The following ZNF282 variants were observed in gnomAD, a reference collection of about 807,000 sequenced individuals.
ZNF282 encodes the protein zinc finger protein 282.
ZNF282 carries 30 observed loss-of-function variants against 61.9 expected under a neutral mutation model. That is an observed-to-expected ratio of 0.48 (90% confidence interval 0.36 to 0.66). ZNF282 has a LOEUF of 0.66. ZNF282 is among the 30% of genes least tolerant of loss of function. The pLI is 0.00. For synonymous variants in ZNF282, 396 were observed against 405.0 expected, an observed-to-expected ratio of 0.98 and a Z score of 0.27; for missense variants, 788 against 941.4, an observed-to-expected ratio of 0.84 and a Z score of 2.13.
rs1240939607 is a variant in ZNF282 at position 149,207,462 on chromosome 7, C to T, written c.824C>T (p.Pro275Leu). Residue 275 changes from proline (P) to leucine (L), a missense_variant, in exon 4 of 8, where the codon CCC becomes CTC. Physicochemically the swap from Pro to Leu is moderately conservative, Grantham distance 98. Transcript: ENST00000610704. The stretch of plus-strand genomic sequence containing the variant: ...GAAGAGAGAGAAATCCCAATGGATC[C>T]CGAAGCAGGTGATGGCAGCAGAAGA... ...HPEEREIPMD[P>L]EAGAEPLVPA... 6.4e-7 allele frequency: 1 copy of T among 1,560,704 alleles called. No individual in the cohort carries two copies. The highest frequency in any genetic ancestry group is 1.9e-5 in the Admixed American group (1 of 51,826).
At chr7:149,204,455 G>T (rs949960851) in intron 2 of ZNF282, among the ~76,000 whole-genome samples, 1 of 152,148 alleles carries the variant, frequency 6.6e-6, no homozygotes, top group African/African-American at 2.4e-5. Flanking sequence ...GCAGCGTGTT[G>T]AGGGAAGGTT....
rs531293375 is a variant in ZNF282 at position 149,213,824 on chromosome 7, G to A, written c.1180+10G>A. The A allele has an allele frequency of 8.7e-6, 14 of 1,600,348 alleles. No homozygotes were observed. Among genetic ancestry groups the A allele is most frequent in the Admixed American group, 8.3e-5 (5 of 59,882 alleles). The stretch of plus-strand genomic sequence containing the variant: ...TTAGACTCTGGCCCTAGTGAGTAAC[G>A]TCCCCACCTAGACCCTGGGGTTTCT... On this transcript the variant is annotated intron_variant, in intron 7 of 7. Transcript: ENST00000610704.
At chr7:149,203,156 C>T (rs1795941935) in intron 2 of ZNF282, among the ~76,000 whole-genome samples, 4 of 152,194 alleles carry the variant, frequency 2.6e-5, no homozygotes, top group Admixed American at 2.6e-4. Context: ...TCAGCATTTA[C>T]GTACACACTG....
chr7:149,202,090 T>C (rs1441935064), intron 2 of ZNF282, among the ~76,000 whole-genome samples: 1 of 151,934 alleles, frequency 6.6e-6, no homozygotes, highest in East Asian at 1.9e-4. Flanking sequence ...TCCCTGCCCT[T>C]ACTCGAATTT....
At chr7:149,215,798 T>G (rs1796153674) in intron 7 of ZNF282, among the ~76,000 whole-genome samples, 1 of 152,242 alleles carries the variant, frequency 6.6e-6, no homozygotes, top group Non-Finnish European at 1.5e-5. Flanking sequence ...ACTCCATCTC[T>G]TCCTCCACAG....
At chr7:149,217,630 G>A (rs1563180153) in intron 7 of ZNF282, among the ~76,000 whole-genome samples, 1 of 101,594 alleles carries the variant, frequency 9.8e-6, no homozygotes, top group Non-Finnish European at 2.4e-5. Flanking sequence ...AAGCAGGCCA[G>A]CAAGCAGGCA....
At position 149,198,376 on chromosome 7, in the gene ZNF282, A is replaced by C; in HGVS notation, c.209A>C (p.Gln70Pro). ...DMDARRPMPF[Q>P]FPPFPDRAPV... The stretch of plus-strand genomic sequence containing the variant: ...GACGCCCGGCGGCCAATGCCTTTTC[A>C]GTTCCCACCCTTTCCAGATAGGGCA... Residue 70 changes from glutamine to proline, a missense_variant, in exon 2 of 8, where the codon CAG (glutamine) becomes CCG (proline). By Grantham distance (76) the Gln-to-Pro change is moderately conservative. Coordinates refer to ENST00000610704, the MANE Select transcript of ZNF282 (RefSeq NM_003575.4). This position sits in a 1 kb window ranked among gnomAD's most constrained non-coding sequence, Gnocchi z 4.3. The C allele has an allele frequency of 6.2e-7, 1 of 1,613,758 alleles. No individual in the cohort carries two copies. Among genetic ancestry groups the C allele is most frequent in the East Asian group, 2.2e-5 (1 of 44,884 alleles).
intron 2 of ZNF282, 47 bp from the exon 3 acceptor site, chr7:149,206,649 G>A (rs761893763): frequency 3.7e-6 from 6 of 1,610,916 alleles, no homozygotes; most frequent in South Asian, 3.3e-5. Context: ...GGGAGGTGGT[G>A]GGGAGGAACA....
chr7:149,222,648 TTTTA>T (rs1165477763), intron 7 of ZNF282, among the ~76,000 whole-genome samples: 1 of 152,016 alleles, frequency 6.6e-6, no homozygotes, highest in Non-Finnish European at 1.5e-5. Context: ...TATTTTTTAT[TTTTA>T]TTTATTTATT....
rs775493804 is a variant in ZNF282, at chr7:149,213,827, C to T, written c.1180+13C>T. The T allele has an allele frequency of 8.2e-6, 13 of 1,587,644 alleles. No homozygotes were observed. In the Admixed American group the frequency reaches 1.3e-4, roughly 16 times the overall value. On this transcript the variant is annotated intron_variant, in intron 7 of 7. Transcript: ENST00000610704. Reference sequence around the variant, plus strand: ...GACTCTGGCCCTAGTGAGTAACGTCCCCACCTAGACCCTGGGGTTTCTTCT... The same window carrying T: ...GACTCTGGCCCTAGTGAGTAACGTCTCCACCTAGACCCTGGGGTTTCTTCT...
intron 7 of ZNF282, among the ~76,000 whole-genome samples, chr7:149,223,273 C>T (rs1796287714): frequency 6.8e-6 from 1 of 147,468 alleles, no homozygotes. Flanking sequence ...TGCGACCGGC[C>T]GAAAAGATTT....
chr7:149,216,344 C>G (rs1381692081), intron 7 of ZNF282, among the ~76,000 whole-genome samples: 1 of 152,212 alleles, frequency 6.6e-6, no homozygotes, highest in East Asian at 1.9e-4. Flanking sequence ...AAGCAATCCT[C>G]CCACCTGGGC....
intron 5 of ZNF282, 54 bp from the exon 6 acceptor site, chr7:149,212,304 T>G: frequency 1.6e-6 from 2 of 1,245,890 alleles, no homozygotes; most frequent in South Asian, 2.8e-5. Flanking sequence ...AACACAAACT[T>G]GCAGGAGATT....
At position 149,214,158 on chromosome 7, in the gene ZNF282, C is replaced by G. The variant is rs1284563712; in HGVS notation, c.1180+344C>G. Among the ~76,000 whole-genome samples the G allele has an allele frequency of 1.6e-4, 25 of 152,176 alleles. 1 individual carries two copies. Among genetic ancestry groups the G allele is most frequent in the Admixed American group, 1.6e-3 (25 of 15,278 alleles). ...TGTATGGGATTCCTCCCTCGCCTCTCCCAGCTTCTGCTGGGTGCCAGGAAC... is the reference window on the plus strand; with the variant it reads ...TGTATGGGATTCCTCCCTCGCCTCTGCCAGCTTCTGCTGGGTGCCAGGAAC... On this transcript the variant is annotated intron_variant, in intron 7 of 7. Coordinates refer to ENST00000610704, the MANE Select transcript of ZNF282 (RefSeq NM_003575.4).
At chr7:149,204,379 G>A (rs909144789) in intron 2 of ZNF282, among the ~76,000 whole-genome samples, 4 of 152,128 alleles carry the variant, frequency 2.6e-5, no homozygotes, top group Non-Finnish European at 5.9e-5. Context: ...ATGGTGAAGA[G>A]GAAAAAACAG....
At chr7:149,204,473 G>A (rs572316280) in intron 2 of ZNF282, among the ~76,000 whole-genome samples, 2 of 152,228 alleles carry the variant, frequency 1.3e-5, no homozygotes, top group East Asian at 3.9e-4. Context: ...GTTTTTCTGA[G>A]GTTGGAATGA....
chr7:149,211,176 T>C (rs1796078539), intron 5 of ZNF282, among the ~76,000 whole-genome samples: 1 of 152,236 alleles, frequency 6.6e-6, no homozygotes, highest in African/African-American at 2.4e-5. Flanking sequence ...TTAGCTGGCA[T>C]TGCAGCTGGA....
chr7:149,208,358 G>A (rs1230636685), intron 4 of ZNF282, among the ~76,000 whole-genome samples: 1 of 151,928 alleles, frequency 6.6e-6, no homozygotes, highest in Admixed American at 6.6e-5. Context: ...ATACACCACT[G>A]CGCCCAGCTA....
chr7:149,223,852 G>A lies in ZNF282; in HGVS notation c.1221G>A (p.Pro407=), dbSNP rs1298474773. ...TGGTGAAGAACCCACCCCCGGCCCC[G>A]CCACAGCCCCAGCCCCAGCCCCAGC... ...LLMVKNPPPA[P]PQPQPQPQPP... Residue 407 remains proline, a synonymous_variant, in exon 8 of 8, where the codon CCG becomes CCA. Coordinates refer to ENST00000610704, the MANE Select transcript of ZNF282 (RefSeq NM_003575.4). 1.7e-5 allele frequency: 24 copies of A among 1,415,612 alleles called. No homozygotes were observed. Among genetic ancestry groups the A allele is most frequent in the South Asian group, 2.8e-5 (2 of 71,478 alleles). The allele number at this position is 1,415,612 out of a possible 1,614,324, so 87.7% of individuals were successfully genotyped here. A position where few individuals can be genotyped will look rare whatever the true frequency, so the allele number is the denominator to read the frequency against.
Sources: allele counts gnomAD v4.1 joint callset (sites outside exome capture counted in the v4.1 genomes callset), GRCh38; gene constraint gnomAD v4.1.1; non-coding constraint Gnocchi (gnomAD v3.1); transcripts MANE v1.5; gene names NCBI Gene and HGNC (gene_info 2026-07-23, HGNC 2026-07-21).